Variants in RYR2 observed in about 807,000 individuals in gnomAD.
RYR2 encodes the protein ryanodine receptor 2.
RYR2 carries 227 observed loss-of-function variants against 601.1 expected under a neutral mutation model. The observed-to-expected ratio is 0.38, with a 90% CI of 0.34 to 0.42. RYR2 has a LOEUF of 0.42. Among genes scored for constraint, RYR2 ranks in the 10% least tolerant of loss-of-function variants. The pLI, the probability that RYR2 is intolerant of heterozygous loss-of-function variation, is 1.00. For synonymous variants in RYR2, 2,223 were observed against 2,175.1 expected (o/e 1.02, Z -0.61); for missense variants, 4,646 against 6,156.5 (o/e 0.75, Z 8.21).
At chr1:237,058,815 G>A (rs1471290430) in intron 1 of RYR2, among the ~76,000 whole-genome samples, 1 of 150,846 alleles carries the variant, frequency 6.6e-6, no homozygotes, top group Non-Finnish European at 1.5e-5. Context: ...GCCGGGGGGC[G>A]GGGTGTTCAG....
intron 25 of RYR2, among the ~76,000 whole-genome samples, chr1:237,534,972 T>C (rs1471095941): frequency 6.6e-6 from 1 of 151,990 alleles, no homozygotes; most frequent in Non-Finnish European, 1.5e-5. Flanking sequence ...CTTTTTATTT[T>C]GTGAGAACAC....
chr1:237,257,752 G>T (rs1335231574), intron 1 of RYR2, among the ~76,000 whole-genome samples: 2 of 152,140 alleles, frequency 1.3e-5, no homozygotes, highest in Non-Finnish European at 2.9e-5. Context: ...AGATAATGGT[G>T]GGAAGGAAGG....
intron 35 of RYR2, among the ~76,000 whole-genome samples, chr1:237,609,217 C>A (rs1251589836): frequency 8.4e-6 from 1 of 119,580 alleles, no homozygotes; most frequent in East Asian, 2.4e-4. Flanking sequence ...GTCCCCATCC[C>A]TTTTCTTTCT....
intron 56 of RYR2, among the ~76,000 whole-genome samples, chr1:237,661,774 T>C (rs1480468106): frequency 2.6e-5 from 4 of 152,170 alleles, no homozygotes; most frequent in Admixed American, 2.6e-4. Flanking sequence ...TGCTGGACCA[T>C]GTCAAGGGAG....
At chr1:237,338,990 G>T (rs1347279657) in intron 3 of RYR2, among the ~76,000 whole-genome samples, 1 of 152,058 alleles carries the variant, frequency 6.6e-6, no homozygotes, top group Non-Finnish European at 1.5e-5. Flanking sequence ...AAAAAATGAG[G>T]TTTAACACTT....
At chr1:237,290,370 T>G (rs1692066337) in intron 2 of RYR2, among the ~76,000 whole-genome samples, 1 of 152,180 alleles carries the variant, frequency 6.6e-6, no homozygotes, top group African/African-American at 2.4e-5. Context: ...AGGTGGGAAT[T>G]TACTGCAGAG....
intron 1 of RYR2, among the ~76,000 whole-genome samples, chr1:237,176,252 T>A (rs57481761): frequency 0.34 from 36,976 of 109,640 alleles, 5,273 homozygotes; most frequent in Middle Eastern, 0.44. Flanking sequence ...GAAAAAAATA[T>A]ATATATATAT....
chr1:237,287,591 C>G (rs1027814484), intron 2 of RYR2, among the ~76,000 whole-genome samples: 1 of 152,148 alleles, frequency 6.6e-6, no homozygotes, highest in Admixed American at 6.5e-5. Flanking sequence ...TCTACTTGTT[C>G]AATTCTATTG....
chr1:237,656,920 A>G (rs565314528), intron 53 of RYR2, among the ~76,000 whole-genome samples: 10 of 152,198 alleles, frequency 6.6e-5, no homozygotes, highest in Non-Finnish European at 1.2e-4. Context: ...GATCTTTTGT[A>G]TCTCTTCCGA....
chr1:237,081,929 A>G (rs746710074), intron 1 of RYR2, among the ~76,000 whole-genome samples: 25 of 152,200 alleles, frequency 1.6e-4, no homozygotes, highest in Admixed American at 3.9e-4. Flanking sequence ...AGGAGACATC[A>G]GCACCTGTGC....
chr1:237,784,678 T>A lies in RYR2; in HGVS notation c.12966T>A (p.Ala4322=). The change falls in exon 90 of 105, where the codon GCT becomes GCA. Residue 4322 remains alanine, a synonymous_variant. Coordinates refer to ENST00000366574, the MANE Select transcript of RYR2 (RefSeq NM_001035.3). This position sits in a 1 kb window ranked among gnomAD's most constrained non-coding sequence, Gnocchi z 7.1. Reference sequence around the variant, plus strand: ...TTGGGGGAAGCCTCGTCGAAGGTGCTAAAAAGATCAAAGTTGCAGAACTGT... The same window carrying A: ...TTGGGGGAAGCCTCGTCGAAGGTGCAAAAAAGATCAAAGTTGCAGAACTGT... ...LLLGGSLVEG[A]KKIKVAELLA... 1.2e-6 allele frequency: 2 copies of A among 1,611,732 alleles called. No homozygotes were observed. Among genetic ancestry groups the A allele is most frequent in the Non-Finnish European group, 1.7e-6 (2 of 1,178,716 alleles).
chr1:237,157,295 C>CAAAAAAAAAAAAAAAAAAAAAAAAAAAA (rs33922740), intron 1 of RYR2, among the ~76,000 whole-genome samples: 7 of 63,510 alleles, frequency 1.1e-4, no homozygotes, highest in East Asian at 6.6e-4. Context: ...GACTCCATCT[C>CAAAAAAAAAAAAAAAAAAAAAAAAAAAA]AAAAAAAAAA....
chr1:237,462,542 C>T (rs1234385000), intron 16 of RYR2, among the ~76,000 whole-genome samples: 2 of 152,124 alleles, frequency 1.3e-5, no homozygotes, highest in African/African-American at 4.8e-5. Flanking sequence ...TGAGAAATGG[C>T]CGCTGGGCAA....
At chr1:237,623,062 G>A (rs1679236289) in intron 38 of RYR2, among the ~76,000 whole-genome samples, 1 of 152,154 alleles carries the variant, frequency 6.6e-6, no homozygotes, top group Non-Finnish European at 1.5e-5. Context: ...ATGTTCAATA[G>A]AGATGTTAGC....
At chr1:237,216,114 A>G (rs1336131435) in intron 1 of RYR2, among the ~76,000 whole-genome samples, 1 of 152,238 alleles carries the variant, frequency 6.6e-6, no homozygotes, top group African/African-American at 2.4e-5. Flanking sequence ...CTGTAACAAC[A>G]TATGGAATGA....
chr1:237,420,610 A>C (rs1705463942), intron 11 of RYR2, among the ~76,000 whole-genome samples: 1 of 152,170 alleles, frequency 6.6e-6, no homozygotes, highest in Non-Finnish European at 1.5e-5. Flanking sequence ...GCTTAGACTT[A>C]GACTATGCAG....
At chr1:237,765,446 A>G (rs1028726941) in intron 84 of RYR2, among the ~76,000 whole-genome samples, 1 of 152,080 alleles carries the variant, frequency 6.6e-6, no homozygotes, top group Admixed American at 6.6e-5. Context: ...CTACCAATTA[A>G]CCTTCCCCAC....
chr1:237,742,485 A>C, intron 80 of RYR2, 136 bp downstream of exon 80: 1 of 685,004 alleles, frequency 1.5e-6, no homozygotes, highest in African/African-American at 1.8e-5. Context: ...TCAGAGCTGG[A>C]TGGACAAACC....
At chr1:237,165,722 C>A (rs907568837) in intron 1 of RYR2, among the ~76,000 whole-genome samples, 9 of 152,002 alleles carry the variant, frequency 5.9e-5, no homozygotes, top group African/African-American at 2.2e-4. Flanking sequence ...AAAACATTAG[C>A]CAGGCATGGT....
Sources: gnomAD v4.1 joint callset for allele counts (sites outside exome capture counted in the v4.1 genomes callset) on GRCh38, gnomAD v4.1.1 for gene constraint, Gnocchi (gnomAD v3.1) non-coding constraint, MANE v1.5 for transcripts, NCBI Gene and HGNC (gene_info 2026-07-23, HGNC 2026-07-21) for gene names.